Variants in SND1 observed in about 807,000 individuals in gnomAD.
SND1 encodes staphylococcal nuclease and tudor domain containing 1.
A neutral mutation model predicts 121.7 loss-of-function variants in SND1; 38 were observed. The observed-to-expected ratio is 0.31, with a 90% CI of 0.24 to 0.41. SND1 has a LOEUF of 0.41. SND1 is among the 10% of genes least tolerant of loss of function. The pLI is 1.00. For synonymous variants in SND1, 401 were observed against 447.4 expected (o/e 0.90, Z 1.31); for missense variants, 868 against 1,184.6 (o/e 0.73, Z 3.92).
chr7:127,932,974 C>T (rs142150441), intron 15 of SND1, among the ~76,000 whole-genome samples: 33 of 152,254 alleles, frequency 2.2e-4, no homozygotes, highest in South Asian at 6.2e-4. Flanking sequence ...TTCATCTCAT[C>T]CTCTGCTCTG....
At chr7:127,952,882 G>T (rs1801494563) in intron 15 of SND1, among the ~76,000 whole-genome samples, 1 of 152,154 alleles carries the variant, frequency 6.6e-6, no homozygotes, top group African/African-American at 2.4e-5. Flanking sequence ...GAAGAAAGGG[G>T]CTGGCTGCAG....
chr7:127,702,547 A>G (rs2116341477), intron 6 of SND1, 21 bp downstream of exon 6: 1 of 1,599,856 alleles, frequency 6.3e-7, no homozygotes, highest in Non-Finnish European at 8.6e-7. Context: ...ACTCTTGGCT[A>G]CGTGGTGGGT....
intron 10 of SND1, among the ~76,000 whole-genome samples, chr7:127,762,049 A>G (rs116498841): frequency 0.02 from 2,970 of 152,294 alleles, 108 homozygotes; most frequent in African/African-American, 0.068. Flanking sequence ...TGTGAGAGAA[A>G]GAGATCTAGA....
chr7:127,791,950 G>A (rs1239836275), intron 10 of SND1, among the ~76,000 whole-genome samples: 1 of 152,204 alleles, frequency 6.6e-6, no homozygotes, highest in African/African-American at 2.4e-5. Flanking sequence ...CAGCCTTCCT[G>A]TGATTGGGCT....
Position 127,735,495 on chromosome 7 carries a change from T to C in SND1, c.1152+14095T>C, listed in dbSNP as rs552781620. Among the ~76,000 whole-genome samples, 6 of 152,214 alleles carry C rather than the reference T, an allele frequency of 3.9e-5. No individual in the cohort carries two copies. The East Asian group carries it at 1.2e-3, about 29-fold the overall frequency. ...TGGGAGGCCGAGAGAGGAGGATTGC[T>C]TCAGGCTAGGAGTTCCAGGCCAGCC... On this transcript the variant is annotated intron_variant, in intron 10 of 23. Coordinates refer to ENST00000354725, the MANE Select transcript of SND1 (RefSeq NM_014390.4).
chr7:127,806,196 C>G (rs1798235097), intron 10 of SND1, among the ~76,000 whole-genome samples: 1 of 152,198 alleles, frequency 6.6e-6, no homozygotes, highest in Non-Finnish European at 1.5e-5. Flanking sequence ...AGACAAAAGT[C>G]TCTTGACTTA....
intron 16 of SND1, among the ~76,000 whole-genome samples, chr7:128,009,124 C>A (rs1027702458): frequency 1.3e-5 from 2 of 152,202 alleles, no homozygotes; most frequent in African/African-American, 2.4e-5. Context: ...TGAGCGGCCC[C>A]CTGGTGAGGG....
chr7:127,825,245 G>T (rs917372086), intron 11 of SND1, among the ~76,000 whole-genome samples: 5 of 151,996 alleles, frequency 3.3e-5, no homozygotes, highest in Admixed American at 3.3e-4. Context: ...TGAGTAGCTG[G>T]GACTACAGGC....
At chr7:127,886,364 A>C (rs918389965) in intron 12 of SND1, among the ~76,000 whole-genome samples, 1 of 151,978 alleles carries the variant, frequency 6.6e-6, no homozygotes, top group African/African-American at 2.4e-5. Flanking sequence ...TAAATTGCGT[A>C]AACATGCACA....
chr7:127,870,324 A>G (rs767206756), intron 12 of SND1, among the ~76,000 whole-genome samples: 4 of 152,140 alleles, frequency 2.6e-5, no homozygotes, highest in African/African-American at 4.8e-5. Flanking sequence ...TATTGCTGCT[A>G]CTTGTCTTTT....
intron 12 of SND1, chr7:127,858,167 G>A: frequency 1.2e-6 from 1 of 811,920 alleles, no homozygotes; most frequent in Non-Finnish European, 2.2e-6. Flanking sequence ...GGTCCCTAGG[G>A]CCTGGCACCC....
intron 14 of SND1, among the ~76,000 whole-genome samples, chr7:127,914,201 A>G (rs1800519331): frequency 6.6e-6 from 1 of 152,198 alleles, no homozygotes; most frequent in Non-Finnish European, 1.5e-5. Flanking sequence ...ATCCCCAGAT[A>G]CTTCACCCGC....
intron 15 of SND1, among the ~76,000 whole-genome samples, chr7:127,970,859 C>T (rs1481070566): frequency 6.6e-6 from 1 of 152,014 alleles, no homozygotes; most frequent in Non-Finnish European, 1.5e-5. Flanking sequence ...CCTATAATCC[C>T]AGCACTTTGG....
intron 10 of SND1, among the ~76,000 whole-genome samples, chr7:127,794,214 T>C (rs1797968358): frequency 6.6e-6 from 1 of 152,210 alleles, no homozygotes; most frequent in Non-Finnish European, 1.5e-5. Flanking sequence ...ATACTTTGAA[T>C]TTGGTGGATA....
chr7:127,699,062 C>A, intron 4 of SND1, 109 bp downstream of exon 4: 1 of 806,236 alleles, frequency 1.2e-6, no homozygotes, highest in South Asian at 1.5e-5. Flanking sequence ...CACACCTTCG[C>A]GGACATTCTT....
At chr7:127,867,900 T>A (rs74737779) in intron 12 of SND1, among the ~76,000 whole-genome samples, 1 of 148,364 alleles carries the variant, frequency 6.7e-6, no homozygotes, top group African/African-American at 2.5e-5. Context: ...ACCATTCCTT[T>A]AAAAAAAAAA....
chr7:127,701,881 A>T (rs1796111089), intron 5 of SND1, among the ~76,000 whole-genome samples: 1 of 152,152 alleles, frequency 6.6e-6, no homozygotes, highest in African/African-American at 2.4e-5. Flanking sequence ...ATCTGTGTGG[A>T]CTCAACATAA....
At chr7:128,005,090 C>T (rs1287286680) in intron 16 of SND1, among the ~76,000 whole-genome samples, 1 of 152,212 alleles carries the variant, frequency 6.6e-6, no homozygotes, top group Non-Finnish European at 1.5e-5. Context: ...GCTTTCCTGT[C>T]CAGAATTATA....
chr7:128,066,966 C>T (rs368531708), intron 16 of SND1, among the ~76,000 whole-genome samples: 19 of 152,260 alleles, frequency 1.2e-4, no homozygotes, highest in South Asian at 4.1e-4. Flanking sequence ...ATTCAGTTCC[C>T]GTCTCTCCAT....
Sources: allele counts gnomAD v4.1 joint callset (sites outside exome capture counted in the v4.1 genomes callset), GRCh38; gene constraint gnomAD v4.1.1; transcripts MANE v1.5; gene names NCBI Gene and HGNC (gene_info 2026-07-23, HGNC 2026-07-21).